The following MGAT4C variants were observed in gnomAD, a reference collection of about 807,000 sequenced individuals.
The protein encoded by MGAT4C is MGAT4 family member C, also known as alpha-1,3-mannosyl-glycoprotein 4-beta-N-acetylglucosaminyltransferase C.
In MGAT4C, 19 loss-of-function variants were observed where a neutral mutation model predicts 40.1. The ratio of observed to expected loss-of-function variants is 0.47; its 90% confidence interval spans 0.33 to 0.70. The LOEUF is 0.70. Ranked by LOEUF, MGAT4C falls within the 30% of genes least tolerant of loss-of-function variation. The probability of loss-of-function intolerance (pLI) is 0.02; values close to 1 mark genes in which losing one functional copy is unlikely to be tolerated. For missense variants in MGAT4C, 491 were observed against 563.2 expected (o/e 0.87, Z 1.30); for synonymous variants, 181 against 187.1 (o/e 0.97, Z 0.27).
rs1471760563 is a variant in MGAT4C at position 86,131,241 on chromosome 12, T to C, written c.-56-81518A>G. Among the ~76,000 whole-genome samples the C allele has an allele frequency of 3.3e-5, 5 of 152,234 alleles. No homozygotes were observed. The South Asian group carries it at 6.2e-4, about 19-fold the overall frequency. ...TTGAAAAATAGTACAATAATGTATA[T>C]AGAATACATGGATCTAGAAGCTGAT... On this transcript the variant is annotated intron_variant, in intron 1 of 4. Coordinates refer to ENST00000611864, the MANE Select transcript of MGAT4C (RefSeq NM_001351288.2).
At chr12:86,151,882 CT>C (rs1472490013) in intron 1 of MGAT4C, among the ~76,000 whole-genome samples, 1 of 152,214 alleles carries the variant, frequency 6.6e-6, no homozygotes, top group Non-Finnish European at 1.5e-5. Context: ...ATTCTATAAC[CT>C]TGTTTTCTTC....
At chr12:86,223,601 AC>A (rs1950963290) in intron 1 of MGAT4C, among the ~76,000 whole-genome samples, 1 of 151,882 alleles carries the variant, frequency 6.6e-6, no homozygotes, top group Admixed American at 6.6e-5. Flanking sequence ...CCTGAGAACC[AC>A]CCTGCCCCTG....
intron 2 of MGAT4C, among the ~76,000 whole-genome samples, chr12:85,998,218 C>A (rs915823276): frequency 2.0e-5 from 3 of 152,170 alleles, no homozygotes; most frequent in African/African-American, 7.2e-5. Context: ...ATTCAGGGCA[C>A]CTAGTCCCTA....
At chr12:86,384,808 G>A (rs1956020837) in intron 3 of MGAT4C, among the ~76,000 whole-genome samples, 2 of 152,120 alleles carry the variant, frequency 1.3e-5, no homozygotes, top group African/African-American at 4.8e-5. Context: ...GTGTAAGTTC[G>A]TATCTTCTAC....
In MGAT4C at chr12:85,956,683, G is replaced by T. The variant is rs1053872912; in HGVS notation, c.*22606C>A. ...TGTAAGATTTAACCCAAGCTACAGT[G>T]GGAAAACCACATAATTAGTCAATAA... On this transcript the variant is annotated 3_prime_UTR_variant, in exon 5 of 5. Coordinates refer to ENST00000611864, the MANE Select transcript of MGAT4C (RefSeq NM_001351288.2). 1 of 152,108 alleles carries T rather than the reference G, an allele frequency of 6.6e-6. No individual in the cohort carries two copies. The highest frequency in any genetic ancestry group is 2.4e-5 in the African/African-American group (1 of 41,434). The allele number at this position is 152,108 out of a possible 1,614,324, so 9.4% of individuals were successfully genotyped here.
intron 2 of MGAT4C, among the ~76,000 whole-genome samples, chr12:86,466,761 G>C (rs1041864851): frequency 9.9e-5 from 15 of 152,154 alleles, no homozygotes; most frequent in Admixed American, 6.5e-5. Flanking sequence ...GCAGATAATT[G>C]AGGAGTCTAT....
chr12:86,270,334 G>C (rs992867319), intron 4 of MGAT4C, among the ~76,000 whole-genome samples: 1 of 152,026 alleles, frequency 6.6e-6, no homozygotes, highest in Non-Finnish European at 1.5e-5. Flanking sequence ...GCCCGCCTCG[G>C]CCTCCCAAAG....
At chr12:86,758,300 A>G (rs1431267648) in intron 1 of MGAT4C, among the ~76,000 whole-genome samples, 2 of 152,050 alleles carry the variant, frequency 1.3e-5, no homozygotes, top group African/African-American at 2.4e-5. Flanking sequence ...TTGGATAAAG[A>G]TGAATCAAAG....
chr12:86,422,671 C>T (rs1168756790), intron 3 of MGAT4C, among the ~76,000 whole-genome samples: 1 of 152,074 alleles, frequency 6.6e-6, no homozygotes, highest in South Asian at 2.1e-4. Context: ...TATAACATAA[C>T]ATGGGTCAAT....
In MGAT4C at chr12:86,201,889, T is replaced by G. The variant is rs2135935190; in HGVS notation, c.-57+54350A>C. 1.3e-5 allele frequency among the ~76,000 whole-genome samples: 2 copies of G among 152,270 alleles called. 1 individual carries two copies. The highest frequency in any genetic ancestry group is 4.1e-4 in the South Asian group (2 of 4,826). On this transcript the variant is annotated intron_variant, in intron 1 of 4. Transcript: ENST00000611864. ...ATGTTGTCCACTAAATTCATTGCTA[T>G]GATTTTATTGTTTTTATGCCACAGC...
intron 1 of MGAT4C, among the ~76,000 whole-genome samples, chr12:86,808,669 C>A (rs1033914522): frequency 4.6e-5 from 7 of 151,964 alleles, no homozygotes; most frequent in Admixed American, 2.6e-4. Context: ...CAGCCAATAT[C>A]ATACTGAATA....
chr12:86,456,567 GT>G (rs970211710), intron 2 of MGAT4C, among the ~76,000 whole-genome samples: 3 of 152,066 alleles, frequency 2.0e-5, no homozygotes, highest in African/African-American at 7.2e-5. Context: ...TATTTTAAGA[GT>G]TTTTTCATTA....
At chr12:86,626,206 T>A (rs1962799002) in intron 2 of MGAT4C, among the ~76,000 whole-genome samples, 1 of 152,174 alleles carries the variant, frequency 6.6e-6, no homozygotes, top group Non-Finnish European at 1.5e-5. Context: ...AGATTTTTTT[T>A]CTAGCTAGGA....
intron 1 of MGAT4C, among the ~76,000 whole-genome samples, chr12:86,773,333 C>T (rs1378410530): frequency 5.9e-5 from 9 of 152,088 alleles, no homozygotes; most frequent in Non-Finnish European, 1.0e-4. Flanking sequence ...AAGATAGCCA[C>T]CTGTAAGCCA....
intron 1 of MGAT4C, among the ~76,000 whole-genome samples, chr12:86,163,456 T>G (rs1252085568): frequency 2.0e-5 from 3 of 152,136 alleles, no homozygotes; most frequent in African/African-American, 4.8e-5. Flanking sequence ...CCTCCAAAAC[T>G]GCTGGGATGA....
chr12:86,537,232 G>A (rs1411792263), intron 2 of MGAT4C, among the ~76,000 whole-genome samples: 3 of 151,916 alleles, frequency 2.0e-5, no homozygotes, highest in Non-Finnish European at 2.9e-5. Flanking sequence ...GGGGTGTGGG[G>A]AGAGGGGAGG....
chr12:86,418,327 G>A (rs1956758016), intron 3 of MGAT4C, among the ~76,000 whole-genome samples: 1 of 152,116 alleles, frequency 6.6e-6, no homozygotes, highest in South Asian at 2.1e-4. Flanking sequence ...TAGGGGCTGG[G>A]CACAGTGGCT....
At chr12:86,232,091 C>T (rs1052335293) in intron 1 of MGAT4C, among the ~76,000 whole-genome samples, 5 of 148,746 alleles carry the variant, frequency 3.4e-5, no homozygotes, top group South Asian at 2.1e-4. Context: ...GCCGAGGTAG[C>T]GCCACCGTAC....
At chr12:86,449,008 C>A (rs191991744) in intron 2 of MGAT4C, among the ~76,000 whole-genome samples, 5 of 152,194 alleles carry the variant, frequency 3.3e-5, no homozygotes, top group Admixed American at 3.3e-4. Flanking sequence ...CAGCTATAAG[C>A]TTTTACAAGA....
Sources: allele counts gnomAD v4.1 joint callset (sites outside exome capture counted in the v4.1 genomes callset), GRCh38; gene constraint gnomAD v4.1.1; transcripts MANE v1.5; gene names NCBI Gene and HGNC (gene_info 2026-07-23, HGNC 2026-07-21).